The following PLCG2 variants were observed in gnomAD, a reference collection of about 807,000 sequenced individuals.
The protein encoded by PLCG2 is phospholipase C gamma 2.
A neutral mutation model predicts 175.6 loss-of-function variants in PLCG2; 69 were observed. The ratio of observed to expected loss-of-function variants is 0.39; its 90% CI spans 0.32 to 0.48. The LOEUF (loss-of-function observed/expected upper bound fraction) is 0.48. Ranked by LOEUF, PLCG2 falls within the 20% of genes least tolerant of loss-of-function variation. The pLI is 0.91. For synonymous variants in PLCG2, 827 were observed against 624.0 expected, an observed-to-expected ratio of 1.33 and a Z score of -4.85; for missense variants, 1,798 against 1,650.9, an observed-to-expected ratio of 1.09 and a Z score of -1.54.
chr16:81,770,933 C>T (rs1324900767), intron 2 of PLCG2, among the ~76,000 whole-genome samples: 1 of 151,134 alleles, frequency 6.6e-6, no homozygotes, highest in African/African-American at 2.4e-5. Flanking sequence ...TTGCAGGTGC[C>T]TGTGGTCCCA....
intron 1 of PLCG2, among the ~76,000 whole-genome samples, chr16:81,784,888 A>G (rs1310168743): frequency 6.6e-6 from 1 of 152,018 alleles, no homozygotes; most frequent in East Asian, 1.9e-4. Context: ...GGGGCAGGCA[A>G]TGTGTTTCTG....
At chr16:81,831,590 G>A (rs1905261120) in intron 2 of PLCG2, among the ~76,000 whole-genome samples, 1 of 152,192 alleles carries the variant, frequency 6.6e-6, no homozygotes, top group Non-Finnish European at 1.5e-5. Context: ...CTGGGTCTCT[G>A]ACCAGTGCTG....
intron 22 of PLCG2, among the ~76,000 whole-genome samples, chr16:81,925,481 G>T (rs952055829): frequency 1.3e-5 from 2 of 152,180 alleles, no homozygotes; most frequent in South Asian, 4.1e-4. Flanking sequence ...CTTACAACCC[G>T]CAGTCCTGTG....
At position 81,910,824 on chromosome 16, in the gene PLCG2, C is replaced by T. The variant is rs1368202885; in HGVS notation, c.1934+104C>T. ...CAGCCGGGCCAGTCCCCCAGGACAC[C>T]CTCTCCCCAGCCCACCGGCATCTCA... On this transcript the variant is annotated intron_variant, in intron 18 of 32. Transcript: ENST00000564138. The T allele has an allele frequency of 6.4e-5, 68 of 1,070,804 alleles. No homozygotes were observed. The East Asian group carries it at 1.5e-3, about 24-fold the overall frequency. 66.3% of individuals were successfully genotyped at this position (1,070,804 alleles called of 1,614,324 possible).
chr16:81,779,290 C>A (rs1047065816), upstream of PLCG2: 1 of 150,466 alleles, frequency 6.6e-6, no homozygotes, highest in African/African-American at 2.4e-5. Flanking sequence ...GCGGCCGAAG[C>A]AGAAGTAGCG....
intron 8 of PLCG2, among the ~76,000 whole-genome samples, chr16:81,882,128 T>C (rs1908111314): frequency 6.6e-6 from 1 of 152,172 alleles, no homozygotes; most frequent in African/African-American, 2.4e-5. Flanking sequence ...AGACCTCTTT[T>C]CCCCAGGCTC....
In PLCG2 at chr16:81,946,257, A is replaced by T; in HGVS notation, c.3564A>T (p.Pro1188=). ...TCCTGGTTTTCTGTGAGATGCGGCC[A>T]GTCCTGGTGAGTGGAGAAACACCAG... ...ASLLVFCEMR[P]VLESEEELYS... The change falls in exon 31 of 33, where the codon CCA becomes CCT. Residue 1188 remains proline (P), a synonymous_variant. Transcript: ENST00000564138. 1 of 1,612,100 alleles carries T rather than the reference A, an allele frequency of 6.2e-7. No individual in the cohort carries two copies.
intron 24 of PLCG2, among the ~76,000 whole-genome samples, chr16:81,929,671 C>G (rs1298461411): frequency 6.6e-6 from 1 of 152,274 alleles, no homozygotes; most frequent in Non-Finnish European, 1.5e-5. Context: ...GCTGGGATTA[C>G]AGGCATGTGC....
At chr16:81,867,568 G>T (rs1032787810) in intron 5 of PLCG2, among the ~76,000 whole-genome samples, 1 of 151,674 alleles carries the variant, frequency 6.6e-6, no homozygotes, top group Admixed American at 6.6e-5. Flanking sequence ...AGGTGAATGT[G>T]CATATAAGGC....
chr16:81,891,203 G>T lies in PLCG2; in HGVS notation c.868-269G>T, dbSNP rs143694497. Among the ~76,000 whole-genome samples the T allele has an allele frequency of 2.3e-3, 343 of 152,278 alleles. 2 individuals are homozygous for T. The highest frequency in any genetic ancestry group is 7.7e-3 in the African/African-American group (321 of 41,558). On this transcript the variant is annotated intron_variant, in intron 10 of 32. Coordinates refer to ENST00000564138, the MANE Select transcript of PLCG2 (RefSeq NM_002661.5). ...AAAAACCAACAACAATGTATATATG[G>T]TAAGCATAAACCCTTGCAGTAGCAA... is the stretch of plus-strand genomic sequence containing the variant.
intron 5 of PLCG2, among the ~76,000 whole-genome samples, chr16:81,859,935 C>G (rs912671184): frequency 1.3e-5 from 2 of 152,108 alleles, no homozygotes; most frequent in Admixed American, 1.3e-4. Flanking sequence ...CTTGGAGAAG[C>G]TCCCTATCAG....
chr16:81,782,512 C>T (rs913224509), intron 1 of PLCG2, among the ~76,000 whole-genome samples: 2 of 152,152 alleles, frequency 1.3e-5, no homozygotes, highest in Admixed American at 6.5e-5. Flanking sequence ...AAGCGTGGAA[C>T]GCTGGAGACC....
At chr16:81,771,969 G>A (rs1350581439) in intron 2 of PLCG2, among the ~76,000 whole-genome samples, 1 of 152,108 alleles carries the variant, frequency 6.6e-6, no homozygotes, top group African/African-American at 2.4e-5. Context: ...TTTTAGTAGA[G>A]ACGGGGTTTC....
At chr16:81,872,752 G>T (rs7197689) in intron 7 of PLCG2, among the ~76,000 whole-genome samples, 1 of 152,048 alleles carries the variant, frequency 6.6e-6, no homozygotes, top group Non-Finnish European at 1.5e-5. Flanking sequence ...TGTGGTTTCT[G>T]CAGTTAGCTG....
At chr16:81,813,327 T>C (rs1212981373) in intron 2 of PLCG2, among the ~76,000 whole-genome samples, 1 of 152,254 alleles carries the variant, frequency 6.6e-6, no homozygotes, top group Non-Finnish European at 1.5e-5. Context: ...TTCATTTATT[T>C]GTGTCCTCTC....
At chr16:81,797,485 T>C (rs1911521073) in intron 2 of PLCG2, among the ~76,000 whole-genome samples, 1 of 152,214 alleles carries the variant, frequency 6.6e-6, no homozygotes, top group African/African-American at 2.4e-5. Flanking sequence ...GGCCAGGCCT[T>C]CGGTAGTCCT....
intron 2 of PLCG2, among the ~76,000 whole-genome samples, chr16:81,804,722 C>T (rs1911912892): frequency 6.6e-6 from 1 of 152,188 alleles, no homozygotes; most frequent in Non-Finnish European, 1.5e-5. Flanking sequence ...TCCCAGAGCC[C>T]TGGAAATGCT....
Position 81,907,694 on chromosome 16 carries a change from C to T in PLCG2, c.1477C>T (p.Arg493Trp). Reference protein sequence around the residue: ...MWDSIDQKWTRHYCAIADAKL... With the variant: ...MWDSIDQKWTWHYCAIADAKL... ...CAGTTTCACTTTCTAGAAATGGACT[C>T]GGCACTACTGCGCCATTGCCGATGC... The change falls in exon 16 of 33, where the codon CGG (arginine) becomes TGG (tryptophan). Residue 493 changes from arginine (R) to tryptophan (W), a missense_variant. Transcript: ENST00000564138. The T allele has an allele frequency of 6.2e-7, 1 of 1,612,834 alleles. No individual in the cohort carries two copies. Among genetic ancestry groups the T allele is most frequent in the South Asian group, 1.1e-5 (1 of 91,058 alleles).
intron 8 of PLCG2, among the ~76,000 whole-genome samples, chr16:81,881,899 G>T (rs1012827669): frequency 6.6e-6 from 1 of 151,758 alleles, no homozygotes; most frequent in Admixed American, 6.6e-5. Flanking sequence ...TGATCCACCT[G>T]CCTTGGCCTC....
Sources: allele counts gnomAD v4.1 joint callset (sites outside exome capture counted in the v4.1 genomes callset), GRCh38; gene constraint gnomAD v4.1.1; transcripts MANE v1.5; gene names NCBI Gene and HGNC (gene_info 2026-07-23, HGNC 2026-07-21).